The following HDAC9 variants were observed in gnomAD, a reference collection of about 807,000 sequenced individuals.
HDAC9 encodes histone deacetylase 9.
Under a neutral mutation model 139.4 loss-of-function variants are expected in HDAC9, and 41 were observed. The observed-to-expected ratio is 0.29, with a 90% CI of 0.23 to 0.38. The LOEUF is 0.38. HDAC9 is among the 10% of genes least tolerant of loss of function. The pLI, the probability that HDAC9 is intolerant of heterozygous loss-of-function variation, is 1.00. For missense variants in HDAC9, 1,147 were observed against 1,297.0 expected, an observed-to-expected ratio of 0.88 and a Z score of 1.78; for synonymous variants, 517 against 476.2, an observed-to-expected ratio of 1.09 and a Z score of -1.12.
chr7:18,869,771 C>T (rs908295223), intron 21 of HDAC9, among the ~76,000 whole-genome samples: 3 of 152,088 alleles, frequency 2.0e-5, no homozygotes, highest in African/African-American at 7.2e-5. Context: ...GAGAAAAAAA[C>T]ACCGGTTTAG....
At chr7:18,332,390 T>C (rs1049438694) in intron 1 of HDAC9, among the ~76,000 whole-genome samples, 1 of 120,172 alleles carries the variant, frequency 8.3e-6, no homozygotes, top group Admixed American at 7.8e-5. Flanking sequence ...TGTGTGTGTG[T>C]GTGAGAGAGA....
chr7:18,221,345 T>C (rs1191285378), intron 2 of HDAC9, among the ~76,000 whole-genome samples: 3 of 152,162 alleles, frequency 2.0e-5, no homozygotes, highest in African/African-American at 7.2e-5. Flanking sequence ...CCTCAGGTGA[T>C]CCGCCCACCT....
intron 23 of HDAC9, among the ~76,000 whole-genome samples, chr7:18,943,293 T>G (rs981641433): frequency 6.6e-6 from 1 of 152,128 alleles, no homozygotes; most frequent in Non-Finnish European, 1.5e-5. Context: ...TGTGTGGTTC[T>G]AACTGTTTTC....
At chr7:18,222,301 G>T (rs1792758490) in intron 2 of HDAC9, among the ~76,000 whole-genome samples, 1 of 151,994 alleles carries the variant, frequency 6.6e-6, no homozygotes, top group African/African-American at 2.4e-5. Flanking sequence ...TTTAATTGTA[G>T]TTCTTTTAAA....
At chr7:18,103,276 G>C (rs1220943239) in intron 1 of HDAC9, among the ~76,000 whole-genome samples, 1 of 152,192 alleles carries the variant, frequency 6.6e-6, no homozygotes, top group Non-Finnish European at 1.5e-5. Context: ...TTCAGGGTGA[G>C]ATTTGGTTGG....
chr7:18,167,899 T>G (rs1443608407), intron 2 of HDAC9, among the ~76,000 whole-genome samples: 1 of 152,214 alleles, frequency 6.6e-6, no homozygotes, highest in Non-Finnish European at 1.5e-5. Flanking sequence ...ACGGTATTGC[T>G]TACCAAGAGG....
At chr7:18,389,959 A>G (rs1431450126) in intron 1 of HDAC9, among the ~76,000 whole-genome samples, 5 of 151,902 alleles carry the variant, frequency 3.3e-5, no homozygotes, top group South Asian at 2.1e-4. Context: ...CATGACTAAC[A>G]TGTTCTCCAT....
intron 2 of HDAC9, among the ~76,000 whole-genome samples, chr7:18,582,753 G>A (rs1164525210): frequency 6.6e-6 from 1 of 152,036 alleles, no homozygotes; most frequent in Non-Finnish European, 1.5e-5. Flanking sequence ...TTGTCTCCTG[G>A]AGATATAATC....
At chr7:18,691,353 T>C (rs957613732) in intron 12 of HDAC9, among the ~76,000 whole-genome samples, 1 of 152,072 alleles carries the variant, frequency 6.6e-6, no homozygotes, top group Non-Finnish European at 1.5e-5. Flanking sequence ...TTACCAAAAC[T>C]TTTCTGAGAG....
intron 13 of HDAC9, among the ~76,000 whole-genome samples, chr7:18,734,901 G>T (rs1253539647): frequency 6.6e-6 from 1 of 152,192 alleles, no homozygotes; most frequent in Non-Finnish European, 1.5e-5. Context: ...AGCATCTGTT[G>T]TTTCCTGACT....
At chr7:18,221,175 T>G (rs1278082577) in intron 2 of HDAC9, among the ~76,000 whole-genome samples, 4 of 151,160 alleles carry the variant, frequency 2.6e-5, no homozygotes, top group Non-Finnish European at 5.9e-5. Flanking sequence ...CAATCTGGGC[T>G]TACTGCAACC....
At chr7:18,201,211 C>T (rs1274700072) in intron 2 of HDAC9, among the ~76,000 whole-genome samples, 1 of 152,134 alleles carries the variant, frequency 6.6e-6, no homozygotes, top group Non-Finnish European at 1.5e-5. Context: ...TAGTTTTCCT[C>T]TTTTCCTTAA....
At chr7:18,568,797 C>T (rs946784172) in intron 2 of HDAC9, among the ~76,000 whole-genome samples, 1 of 152,102 alleles carries the variant, frequency 6.6e-6, no homozygotes, top group African/African-American at 2.4e-5. Context: ...CCTGTAATCC[C>T]AGAACTTTGG....
At chr7:18,957,340 T>C (rs1783223367) in intron 24 of HDAC9, among the ~76,000 whole-genome samples, 1 of 152,120 alleles carries the variant, frequency 6.6e-6, no homozygotes, top group South Asian at 2.1e-4. Context: ...ATCGAGTGGG[T>C]ATTTCAGAGT....
At chr7:18,862,157 T>G (rs1337367358) in intron 21 of HDAC9, among the ~76,000 whole-genome samples, 1 of 152,176 alleles carries the variant, frequency 6.6e-6, no homozygotes, top group Admixed American at 6.6e-5. Flanking sequence ...AGACACACTT[T>G]AGAATCGTTC....
chr7:18,130,927 G>T (rs960305556), intron 1 of HDAC9, among the ~76,000 whole-genome samples: 2 of 152,010 alleles, frequency 1.3e-5, no homozygotes, highest in Non-Finnish European at 2.9e-5. Context: ...TCCAAACTTC[G>T]AAGAGTTTCC....
chr7:18,236,987 A>G (rs1041299474), intron 2 of HDAC9, among the ~76,000 whole-genome samples: 2 of 152,194 alleles, frequency 1.3e-5, no homozygotes, highest in African/African-American at 4.8e-5. Context: ...AGAAATTCCC[A>G]TGTCCCAGGA....
intron 1 of HDAC9, among the ~76,000 whole-genome samples, chr7:18,449,689 C>A (rs1792633920): frequency 6.6e-6 from 1 of 152,060 alleles, no homozygotes; most frequent in Admixed American, 6.5e-5. Context: ...ATACTTTCTC[C>A]ATTAAAGAAG....
intron 1 of HDAC9, among the ~76,000 whole-genome samples, chr7:18,127,038 G>T (rs1323148000): frequency 6.6e-6 from 1 of 152,118 alleles, no homozygotes; most frequent in Non-Finnish European, 1.5e-5. Flanking sequence ...TTTTGGTTTT[G>T]CAGCAATGCT....
Sources: allele counts gnomAD v4.1 joint callset (sites outside exome capture counted in the v4.1 genomes callset), GRCh38; gene constraint gnomAD v4.1.1; transcripts MANE v1.5; gene names NCBI Gene and HGNC (gene_info 2026-07-23, HGNC 2026-07-21).